MTOR: variants seen among roughly 807,000 people sequenced by gnomAD.
MTOR encodes the protein mechanistic target of rapamycin kinase, also known as serine/threonine-protein kinase mTOR.
A neutral mutation model predicts 319.8 loss-of-function variants in MTOR; 70 were observed. The ratio of observed to expected loss-of-function variants is 0.22; its 90% CI spans 0.18 to 0.27. The LOEUF is 0.27. MTOR is among the 10% of genes least tolerant of loss of function. The pLI, the probability that MTOR is intolerant of heterozygous loss-of-function variation, is 1.00. For synonymous variants in MTOR, 1,183 were observed against 1,211.4 expected (o/e 0.98, Z 0.49); for missense variants, 1,890 against 3,274.4 (o/e 0.58, Z 10.32).
chr1:11,237,778 C>T lies in MTOR; in HGVS notation c.2208+65G>A, dbSNP rs912266716. 16 of 1,573,544 alleles carry T rather than the reference C, an allele frequency of 1.0e-5. No homozygotes were observed. The Admixed American group carries it at 2.2e-4, about 21-fold the overall frequency. ...ATCCTTGTCCTCAACTCCGCTTCCT[C>T]AAGCAGTTCTCACAGCGAGAGTCCT... On this transcript the variant is annotated intron_variant, in intron 13 of 57. Transcript: ENST00000361445.
chr1:11,183,274 T>C (rs1412565768), intron 28 of MTOR, among the ~76,000 whole-genome samples: 1 of 152,236 alleles, frequency 6.6e-6, no homozygotes, highest in Non-Finnish European at 1.5e-5. Context: ...GTGAACTAAG[T>C]GCCTGTTCAC....
chr1:11,195,149 A>C lies in MTOR; in HGVS notation c.4253+4109T>G. On this transcript the variant is annotated intron_variant, in intron 28 of 57. Coordinates refer to ENST00000361445, the MANE Select transcript of MTOR (RefSeq NM_004958.4). ...AGAAACAGCCTATAATCTCCAAAGA[A>C]AGAATAAGTCTCCAAGGAGCACAAA... 2.8e-6 allele frequency: 3 copies of C among 1,061,748 alleles called. No individual in the cohort carries two copies. The East Asian group carries it at 7.8e-5, about 28-fold the overall frequency. The allele number at this position is 1,061,748 out of a possible 1,614,324, so 65.8% of individuals were successfully genotyped here.
intron 28 of MTOR, among the ~76,000 whole-genome samples, chr1:11,178,265 C>T (rs1238107081): frequency 6.6e-6 from 1 of 152,220 alleles, no homozygotes; most frequent in Non-Finnish European, 1.5e-5. Context: ...GCCCATTTGA[C>T]TCACCGTCTC....
chr1:11,258,403 G>T, intron 3 of MTOR, 82 bp downstream of exon 3: 1 of 918,132 alleles, frequency 1.1e-6, no homozygotes, highest in South Asian at 1.5e-5. Context: ...ATATGAACTA[G>T]TATCCAGTAA....
intron 26 of MTOR, among the ~76,000 whole-genome samples, chr1:11,201,251 T>C (rs1400675142): frequency 6.6e-6 from 1 of 152,150 alleles, no homozygotes; most frequent in Non-Finnish European, 1.5e-5. Context: ...GATAAAAACA[T>C]TGTGTATATC....
chr1:11,228,209 G>A (rs1223408861), intron 19 of MTOR, among the ~76,000 whole-genome samples: 1 of 151,606 alleles, frequency 6.6e-6, no homozygotes, highest in Non-Finnish European at 1.5e-5. Context: ...TTTTTCTTGA[G>A]ACAGAGTCTC....
At chr1:11,143,667 G>A (rs1643816053) in intron 34 of MTOR, among the ~76,000 whole-genome samples, 1 of 152,180 alleles carries the variant, frequency 6.6e-6, no homozygotes, top group African/African-American at 2.4e-5. Context: ...GAATGTGTTT[G>A]GAGTCAAAAG....
At chr1:11,155,701 G>A (rs938140386) in intron 30 of MTOR, among the ~76,000 whole-genome samples, 1 of 152,202 alleles carries the variant, frequency 6.6e-6, no homozygotes, top group Non-Finnish European at 1.5e-5. Context: ...TGATTAGGGT[G>A]CTTCCTATTA....
At chr1:11,131,498 A>G (rs1643157195) in intron 38 of MTOR, 1 of 152,638 alleles carries the variant, frequency 6.6e-6, no homozygotes, top group African/African-American at 2.4e-5. Flanking sequence ...CAAAGTTTTG[A>G]CAGGTCACCA....
intron 10 of MTOR, 40 bp from the exon 11 acceptor site, chr1:11,240,587 T>A: frequency 6.3e-7 from 1 of 1,597,636 alleles, no homozygotes; most frequent in Non-Finnish European, 8.5e-7. Context: ...GCTGGGCACA[T>A]GACACTCAGT....
chr1:11,164,294 C>T (rs897311956), intron 29 of MTOR, among the ~76,000 whole-genome samples: 25 of 141,956 alleles, frequency 1.8e-4, no homozygotes, highest in African/African-American at 6.4e-4. Flanking sequence ...GAGATCATGC[C>T]ACTGCACTCC....
Position 11,146,684 on chromosome 1 carries a change from C to T in MTOR, c.4678G>A (p.Ala1560Thr), listed in dbSNP as rs1485114935. ...LALHQDLFSL[A>T]QQCIDKARDL... is the part of the protein sequence containing the mutation. ...TGCATGTAGGTTTTTACCTGTTGTG[C>T]CAAGGAGAAGAGGTCCTGATGCAGT... Residue 1560 changes from alanine to threonine, a missense_variant, in exon 32 of 58, where the codon GCA becomes ACA. Coordinates refer to ENST00000361445, the MANE Select transcript of MTOR (RefSeq NM_004958.4). 1.2e-6 allele frequency: 2 copies of T among 1,613,830 alleles called. No individual in the cohort carries two copies. Among genetic ancestry groups the T allele is most frequent in the South Asian group, 1.1e-5 (1 of 91,068 alleles).
intron 28 of MTOR, chr1:11,189,928 G>A (rs372486134): frequency 1.9e-6 from 3 of 1,612,760 alleles, no homozygotes; most frequent in Non-Finnish European, 2.5e-6. Context: ...GCTGCAGGCA[G>A]CACAGACGGT....
chr1:11,255,872 T>G, intron 5 of MTOR, 120 bp downstream of exon 5: 1 of 960,948 alleles, frequency 1.0e-6, no homozygotes, highest in South Asian at 2.0e-5. Flanking sequence ...AAAATTCATT[T>G]GAGAGCAAAC....
intron 3 of MTOR, 39 bp downstream of exon 3, chr1:11,258,446 T>G (rs1569853156): frequency 9.3e-5 from 129 of 1,383,660 alleles, no homozygotes; most frequent in Non-Finnish European, 1.3e-4. Flanking sequence ...GGCACAAAGG[T>G]GAGTGTGTTG....
chr1:11,234,137 T>G lies in MTOR; in HGVS notation c.2331+6A>C, dbSNP rs761030701. Reference sequence around the variant, plus strand: ...GAGAAAGCACCAGCCTCTCGGTTTGTGTTACCTTCAGAATAGGCTCCATGT... The same window carrying G: ...GAGAAAGCACCAGCCTCTCGGTTTGGGTTACCTTCAGAATAGGCTCCATGT... On this transcript the variant is annotated splice_donor_region_variant and intron_variant, in intron 14 of 57. Coordinates refer to ENST00000361445, the MANE Select transcript of MTOR (RefSeq NM_004958.4). The G allele has an allele frequency of 6.2e-7, 1 of 1,614,120 alleles. No individual in the cohort carries two copies.
intron 6 of MTOR, among the ~76,000 whole-genome samples, chr1:11,248,510 C>G (rs1569802262): frequency 6.6e-6 from 1 of 152,196 alleles, no homozygotes; most frequent in African/African-American, 2.4e-5. Context: ...TCCCTAGAAA[C>G]CCAGGTAAAA....
At chr1:11,198,656 T>G (rs1213595652) in intron 28 of MTOR, among the ~76,000 whole-genome samples, 5 of 152,262 alleles carry the variant, frequency 3.3e-5, no homozygotes, top group Non-Finnish European at 7.3e-5. Context: ...AGCTAATGTT[T>G]CATGCTGCTT....
Position 11,133,072 on chromosome 1 carries a change from C to T in MTOR, c.5364+8G>A, listed in dbSNP as rs1353864978. ...GCTGGGTCTCACAGGTGGCCTGCTTCTGATCACCTTGTACCAGCTGCGGTC... is the reference window on the plus strand; with the variant it reads ...GCTGGGTCTCACAGGTGGCCTGCTTTTGATCACCTTGTACCAGCTGCGGTC... On this transcript the variant is annotated splice_region_variant and intron_variant, in intron 38 of 57. Transcript: ENST00000361445. This position sits in a 1 kb window ranked among gnomAD's most constrained non-coding sequence, Gnocchi z 4.0. The T allele has an allele frequency of 6.2e-7, 1 of 1,613,564 alleles. No individual in the cohort carries two copies. The highest frequency in any genetic ancestry group is 8.5e-7 in the Non-Finnish European group (1 of 1,179,662).
Sources: allele counts gnomAD v4.1 joint callset (sites outside exome capture counted in the v4.1 genomes callset), GRCh38; gene constraint gnomAD v4.1.1; non-coding constraint Gnocchi (gnomAD v3.1); transcripts MANE v1.5; gene names NCBI Gene and HGNC (gene_info 2026-07-23, HGNC 2026-07-21).